OTOF: variants seen among roughly 807,000 people sequenced by gnomAD.
The protein encoded by OTOF is fer-1-like family member 2.
OTOF carries 218 observed loss-of-function variants against 236.8 expected under a neutral mutation model. That is an observed-to-expected ratio of 0.92 (90% CI 0.82 to 1.03). The LOEUF is 1.03. OTOF is among the 50% of genes least tolerant of loss of function. The pLI, the probability that OTOF is intolerant of heterozygous loss-of-function variation, is 0.00. For synonymous variants in OTOF, 1,041 were observed against 1,072.5 expected, an observed-to-expected ratio of 0.97 and a Z score of 0.57; for missense variants, 2,590 against 2,694.4, an observed-to-expected ratio of 0.96 and a Z score of 0.86.
intron 5 of OTOF, among the ~76,000 whole-genome samples, chr2:26,513,972 C>CAG (rs1368508986): frequency 6.6e-6 from 1 of 152,222 alleles, no homozygotes; most frequent in Non-Finnish European, 1.5e-5. Context: ...CTCCTTGACC[C>CAG]AGAACTCAAT....
In OTOF at chr2:26,516,407, C is replaced by T. The variant is rs200010052; in HGVS notation, c.509+11G>A. The T allele has an allele frequency of 3.5e-4, 570 of 1,612,540 alleles. 3 individuals are homozygous for T. In the African/African-American group the frequency reaches 7.0e-3, roughly 20 times the overall value. On this transcript the variant is annotated intron_variant, in intron 5 of 46. Transcript: ENST00000272371. ...GGAGCAGTGGGCAGCCAGAGGGGTC[C>T]TGCCTGTTACCTCCGGAAGCTCTTC...
intron 1 of OTOF, among the ~76,000 whole-genome samples, chr2:26,541,748 A>T (rs1667217096): frequency 6.6e-6 from 1 of 152,190 alleles, no homozygotes; most frequent in South Asian, 2.1e-4. Flanking sequence ...TTCAGATAAA[A>T]CCATTACAAA....
intron 4 of OTOF, 131 bp from the exon 5 acceptor site, chr2:26,516,730 T>C (rs1666538283): frequency 1.1e-6 from 1 of 903,468 alleles, no homozygotes; most frequent in Non-Finnish European, 1.8e-6. Context: ...CAGGATGGTA[T>C]GATCCCCTCT....
chr2:26,549,209 AT>A (rs1280820934), intron 1 of OTOF, among the ~76,000 whole-genome samples: 1 of 152,112 alleles, frequency 6.6e-6, no homozygotes, highest in Non-Finnish European at 1.5e-5. Flanking sequence ...CTTATTATTG[AT>A]TTTTAGCTGA....
Position 26,558,716 on chromosome 2 carries a change from A to G in OTOF, c.-145T>C. On this transcript the variant is annotated 5_prime_UTR_variant, in exon 1 of 47. Coordinates refer to ENST00000272371, the MANE Select transcript of OTOF (RefSeq NM_194248.3). ...CCTCCGATGCTGCCCACAGAGACCA[A>G]GGCAACCAAGCCGAGCTAAGCTGCT... 1 of 682,750 alleles carries G rather than the reference A, an allele frequency of 1.5e-6. No individual in the cohort carries two copies. The highest frequency in any genetic ancestry group is 2.5e-6 in the Non-Finnish European group (1 of 393,888). 42.3% of individuals were successfully genotyped at this position (682,750 alleles called of 1,614,324 possible).
chr2:26,468,468 G>C lies in OTOF; in HGVS notation c.4030C>G (p.Arg1344Gly). The change falls in exon 33 of 47, where the codon CGA becomes GGA. Residue 1344 changes from arginine (R) to glycine (G), a missense_variant. Physicochemically the swap from Arg to Gly is moderately radical, Grantham distance 125. Coordinates refer to ENST00000272371, the MANE Select transcript of OTOF (RefSeq NM_194248.3). ...ASIDTMKEQL[R>G]QQEPSGIDLE... ...TCAATTCCAGAGGGCTCTTGTTGTC[G>C]AAGTTGCTGCCAAAAGATGAGATGA... 1.2e-6 allele frequency: 2 copies of C among 1,613,824 alleles called. No individual in the cohort carries two copies. Among genetic ancestry groups the C allele is most frequent in the Non-Finnish European group, 1.7e-6 (2 of 1,179,748 alleles).
At chr2:26,551,299 GC>G (rs1158897577) in intron 1 of OTOF, among the ~76,000 whole-genome samples, 2 of 152,160 alleles carry the variant, frequency 1.3e-5, no homozygotes, top group Admixed American at 1.3e-4. Flanking sequence ...CCCTTTCATG[GC>G]CTTTGTTCCT....
intron 5 of OTOF, among the ~76,000 whole-genome samples, chr2:26,512,359 A>G (rs1666412253): frequency 6.6e-6 from 1 of 152,256 alleles, no homozygotes; most frequent in Non-Finnish European, 1.5e-5. Context: ...CCCAGAATCC[A>G]GAGTCCTCCC....
Position 26,483,468 on chromosome 2 carries a change from G to A in OTOF, c.1386C>T (p.Gly462=). 1 of 1,613,558 alleles carries A rather than the reference G, an allele frequency of 6.2e-7. No individual in the cohort carries two copies. Among genetic ancestry groups the A allele is most frequent in the Non-Finnish European group, 8.5e-7 (1 of 1,179,896 alleles). The change falls in exon 13 of 47, where the codon GGC becomes GGT. Residue 462 remains glycine (G), a synonymous_variant. Transcript: ENST00000272371. ...GTACCTCATACCCCAGTACCTTCTG[G>A]CCAGCAAAGAAGACTTGCACGTAGG... is the stretch of plus-strand genomic sequence containing the variant. ...VDPYVQVFFA[G]QKGKTSVQKS...
intron 9 of OTOF, among the ~76,000 whole-genome samples, chr2:26,494,656 T>TGGGGGGGGGGTG (rs143905954): frequency 8.4e-6 from 1 of 118,484 alleles, no homozygotes; most frequent in African/African-American, 3.1e-5. Context: ...GGGAGTGGGG[T>TGGGGGGGGGGTG]GGGGGGGGGT....
intron 1 of OTOF, among the ~76,000 whole-genome samples, chr2:26,553,722 G>A (rs1011307609): frequency 3.9e-5 from 6 of 152,010 alleles, no homozygotes; most frequent in East Asian, 1.9e-4. Flanking sequence ...AAAAACTCCC[G>A]CCTCCCTTCT....
Position 26,462,603 on chromosome 2 carries a change from A to T in OTOF, c.5193-422T>A, listed in dbSNP as rs578194650. Reference sequence around the variant, plus strand: ...AGGCTGAGTCATTCACTAAAAATTGATCTGAGCATGGCTCTCCTGGGATTG... The same window carrying T: ...AGGCTGAGTCATTCACTAAAAATTGTTCTGAGCATGGCTCTCCTGGGATTG... On this transcript the variant is annotated intron_variant, in intron 41 of 46. Transcript: ENST00000272371. This position sits in a 1 kb window ranked among gnomAD's most constrained non-coding sequence, Gnocchi z 4.7. Among the ~76,000 whole-genome samples, 1 of 152,338 alleles carries T rather than the reference A, an allele frequency of 6.6e-6. No homozygotes were observed. The highest frequency in any genetic ancestry group is 2.1e-4 in the South Asian group (1 of 4,832).
At chr2:26,484,686 C>T in intron 11 of OTOF, 53 bp from the exon 12 acceptor site, 2 of 1,597,662 alleles carry the variant, frequency 1.3e-6, no homozygotes, top group South Asian at 1.1e-5. Context: ...CAGAGCGTCT[C>T]CCAGTGCTCA....
In OTOF at chr2:26,479,563, A is replaced by G. The variant is rs1454848005; in HGVS notation, c.2003T>C (p.Ile668Thr). Residue 668 changes from isoleucine to threonine, a missense_variant, in exon 17 of 47, where the codon ATT (isoleucine) becomes ACT (threonine). This residue lies in a region of OTOF where 1,379 missense variants were observed against 1,341.6 expected (regional missense o/e 1.03). Transcript: ENST00000272371. The stretch of plus-strand genomic sequence containing the variant: ...GGCCTCGTCATCACTTGCGTTCTGA[A>G]TCAGGTCTACTTCTTCCTCATCCCC... ...EPGDEEEVDL[I>T]QNASDDEAGD... 4 of 1,612,642 alleles carry G rather than the reference A, an allele frequency of 2.5e-6. No individual in the cohort carries two copies. The highest frequency in any genetic ancestry group is 3.4e-6 in the Non-Finnish European group (4 of 1,179,960).
In OTOF at chr2:26,473,247, C is replaced by T. The variant is rs1665085061; in HGVS notation, c.3618G>A (p.Val1206=). The change falls in exon 29 of 47, where the codon GTG becomes GTA. Residue 1206 remains valine, a synonymous_variant. Coordinates refer to ENST00000272371, the MANE Select transcript of OTOF (RefSeq NM_194248.3). The surrounding 1 kb of genome is among the most constrained non-coding windows in gnomAD (Gnocchi z 7.2). The part of the protein sequence containing the change: ...ELLHPPLNIR[V]VDCRAFGRYT... ...AGCGACCGAAGGCCCGGCAGTCCAC[C>T]ACACGGATGTTCAAGGGCGGGTGCA... 1 of 1,613,466 alleles carries T rather than the reference C, an allele frequency of 6.2e-7. No individual in the cohort carries two copies.
At chr2:26,523,746 G>T (rs562663288) in intron 3 of OTOF, among the ~76,000 whole-genome samples, 1 of 152,294 alleles carries the variant, frequency 6.6e-6, no homozygotes, top group Non-Finnish European at 1.5e-5. Context: ...CCCAGCAGTG[G>T]CCATGGCTTT....
intron 9 of OTOF, among the ~76,000 whole-genome samples, chr2:26,494,514 T>G (rs1310252551): frequency 6.6e-6 from 1 of 152,216 alleles, no homozygotes; most frequent in African/African-American, 2.4e-5. Context: ...GATGGTCCAG[T>G]TCAGAAGCAT....
chr2:26,482,666 GGCGCAT>G, intron 13 of OTOF, 74 bp from the exon 14 acceptor site: 1 of 1,307,884 alleles, frequency 7.6e-7, no homozygotes, highest in Non-Finnish European at 1.1e-6. Flanking sequence ...TGTGTGAGTG[GGCGCAT>G]GTGTGCGTGA....
intron 11 of OTOF, among the ~76,000 whole-genome samples, chr2:26,487,132 G>A (rs143956478): frequency 2.1e-4 from 32 of 152,272 alleles, no homozygotes; most frequent in African/African-American, 7.5e-4. Context: ...GTGAGAAGAG[G>A]TTCTCTCGGG....
Sources: allele counts gnomAD v4.1 joint callset (sites outside exome capture counted in the v4.1 genomes callset), GRCh38; gene constraint gnomAD v4.1.1; regional missense constraint gnomAD v4.1.1; non-coding constraint Gnocchi (gnomAD v3.1); transcripts MANE v1.5; gene names NCBI Gene and HGNC (gene_info 2026-07-23, HGNC 2026-07-21).